TAF3: variants seen among roughly 807,000 people sequenced by gnomAD.
The protein encoded by TAF3 is transcription initiation factor TFIID subunit 3.
In TAF3, 7 loss-of-function variants were observed where a neutral mutation model predicts 80.6. The observed-to-expected ratio is 0.09, with a 90% CI of 0.05 to 0.16. TAF3 has a LOEUF of 0.16. Among genes scored for constraint, TAF3 ranks in the 10% least tolerant of loss-of-function variants. The pLI is 1.00. For synonymous variants in TAF3, 444 were observed against 446.1 expected (o/e 1.00, Z 0.06); for missense variants, 921 against 1,140.2 (o/e 0.81, Z 2.77).
rs577673442 is a variant in TAF3, at chr10:7,937,738, T to C, written c.410-26182T>C. On this transcript the variant is annotated intron_variant, in intron 2 of 6. Transcript: ENST00000344293. ...AGGGAATAGTAATAGTCACAGCACC[T>C]AACATTTCAAGAGCACTTACTATGA... is the stretch of plus-strand genomic sequence containing the variant. Among the ~76,000 whole-genome samples the C allele has an allele frequency of 5.9e-5, 9 of 152,334 alleles. No homozygotes were observed. The South Asian group carries it at 1.9e-3, about 32-fold the overall frequency.
At chr10:7,974,020 C>T (rs983402376) in intron 3 of TAF3, among the ~76,000 whole-genome samples, 3 of 151,784 alleles carry the variant, frequency 2.0e-5, no homozygotes, top group East Asian at 1.9e-4. Context: ...CCCAGCTACT[C>T]GGGAGGCTGA....
intron 2 of TAF3, among the ~76,000 whole-genome samples, chr10:7,921,809 G>A (rs989910830): frequency 6.6e-5 from 10 of 151,986 alleles, no homozygotes; most frequent in Non-Finnish European, 1.3e-4. Context: ...TTGGAAGACT[G>A]AATTTTTAAG....
chr10:7,969,946 A>T (rs1033020975), intron 3 of TAF3, among the ~76,000 whole-genome samples: 1 of 152,230 alleles, frequency 6.6e-6, no homozygotes, highest in East Asian at 1.9e-4. Flanking sequence ...AGACAGCAGC[A>T]TTCTAAAGTT....
intron 2 of TAF3, among the ~76,000 whole-genome samples, chr10:7,887,245 A>AAG (rs1282167846): frequency 2.7e-5 from 4 of 150,552 alleles, no homozygotes; most frequent in South Asian, 2.1e-4. Flanking sequence ...AAAAAAAAAA[A>AAG]AAAGAAAGAA....
chr10:7,972,282 A>G (rs1385741871), intron 3 of TAF3, among the ~76,000 whole-genome samples: 1 of 152,232 alleles, frequency 6.6e-6, no homozygotes, highest in African/African-American at 2.4e-5. Flanking sequence ...GGAAACAAAA[A>G]TCCGGGAAGA....
intron 2 of TAF3, among the ~76,000 whole-genome samples, chr10:7,929,246 TA>T (rs1450257969): frequency 2.7e-4 from 34 of 127,452 alleles, no homozygotes; most frequent in African/African-American, 4.7e-4. Context: ...AGAAGTAGTT[TA>T]TTTTTTTTGT....
rs1399708817 is a variant in TAF3, at chr10:7,944,135, GT to G, written c.410-19783del. Among the ~76,000 whole-genome samples, 17 of 143,304 alleles carry G rather than the reference GT, an allele frequency of 1.2e-4. 1 individual carries two copies. Among genetic ancestry groups the G allele is most frequent in the Admixed American group, 1.0e-3 (15 of 14,294 alleles). The allele number at this position is 143,304 out of a possible 152,430, so 94.0% of individuals were successfully genotyped here. On this transcript the variant is annotated intron_variant, in intron 2 of 6. Transcript: ENST00000344293. ...TGTGTGTGTGTGTGTGTGTGTGTGT[GT>G]TGTGGGGGGGAGGGAAAAGGTAGAT...
Position 8,014,679 on chromosome 10 carries a change from G to A in TAF3, c.2718G>A (p.Gln906=), listed in dbSNP as rs781606265. The A allele has an allele frequency of 2.5e-6, 4 of 1,613,150 alleles. No homozygotes were observed. The Admixed American group carries it at 6.7e-5, about 27-fold the overall frequency. ...GIMTAPPEEM[Q]WFCPKCANKK... is the part of the protein sequence containing the mutation. ...TGACTGCACCCCCAGAAGAGATGCA[G>A]TGGTTCTGCCCCAAGTGTGCGAACA... The change falls in exon 7 of 7, where the codon CAG becomes CAA. Residue 906 remains glutamine (Q), a synonymous_variant. Transcript: ENST00000344293.
chr10:7,871,325 C>G (rs1209968197), intron 2 of TAF3, among the ~76,000 whole-genome samples: 4 of 151,338 alleles, frequency 2.6e-5, no homozygotes, highest in Non-Finnish European at 2.9e-5. Context: ...TTCCTAAAAC[C>G]AGATATTCTT....
intron 4 of TAF3, among the ~76,000 whole-genome samples, chr10:7,985,197 G>A (rs1057133713): frequency 2.0e-5 from 3 of 152,110 alleles, no homozygotes; most frequent in Non-Finnish European, 4.4e-5. Flanking sequence ...GAACTGCCTC[G>A]CCATGTTACC....
chr10:7,921,867 C>G (rs1258533729), intron 2 of TAF3, among the ~76,000 whole-genome samples: 1 of 152,008 alleles, frequency 6.6e-6, no homozygotes, highest in Admixed American at 6.6e-5. Flanking sequence ...CTGACATTGT[C>G]ATATGATCAA....
At chr10:7,928,351 CG>C (rs1235151484) in intron 2 of TAF3, among the ~76,000 whole-genome samples, 4 of 152,082 alleles carry the variant, frequency 2.6e-5, no homozygotes, top group African/African-American at 9.7e-5. Flanking sequence ...TACACTATAG[CG>C]GAATTACCTT....
intron 2 of TAF3, among the ~76,000 whole-genome samples, chr10:7,909,495 A>T (rs931044381): frequency 6.6e-6 from 1 of 152,236 alleles, no homozygotes; most frequent in Non-Finnish European, 1.5e-5. Flanking sequence ...AACTAGTGTC[A>T]TTGGATAAAG....
chr10:8,009,616 C>CT lies in TAF3; in HGVS notation c.2568+295dup, dbSNP rs1252235417. Among the ~76,000 whole-genome samples the CT allele has an allele frequency of 3.0e-4, 45 of 149,108 alleles. No individual in the cohort carries two copies. The highest frequency in any genetic ancestry group is 3.4e-3 in the Middle Eastern group (1 of 290). ...CCACTGCCCCTGGCCAGACACGTTT[C>CT]TTTTTTTTTCTTTTTTTTTTTTGAG... is the stretch of plus-strand genomic sequence containing the variant. On this transcript the variant is annotated intron_variant, in intron 5 of 6. Transcript: ENST00000344293. This position sits in a 1 kb window ranked among gnomAD's most constrained non-coding sequence, Gnocchi z 4.1.
chr10:7,823,794 C>A (rs1371142173), intron 1 of TAF3, among the ~76,000 whole-genome samples: 1 of 152,064 alleles, frequency 6.6e-6, no homozygotes, highest in Non-Finnish European at 1.5e-5. Flanking sequence ...GCCACCACGC[C>A]CGGCTAATTT....
chr10:7,868,756 A>AGTAGGC (rs1837238698), intron 2 of TAF3, among the ~76,000 whole-genome samples: 2 of 152,234 alleles, frequency 1.3e-5, no homozygotes, highest in Non-Finnish European at 1.5e-5. Flanking sequence ...GCACCTAGAA[A>AGTAGGC]GTACCAAGTA....
intron 2 of TAF3, among the ~76,000 whole-genome samples, chr10:7,899,875 A>T (rs1249155389): frequency 6.6e-6 from 1 of 152,190 alleles, no homozygotes; most frequent in Non-Finnish European, 1.5e-5. Flanking sequence ...TACTAAGAAA[A>T]TGTAAACTGC....
intron 4 of TAF3, among the ~76,000 whole-genome samples, chr10:7,994,682 T>C (rs1317036548): frequency 1.3e-5 from 2 of 151,698 alleles, no homozygotes; most frequent in African/African-American, 4.8e-5. Context: ...TCCTGAGTCT[T>C]GGCCAGGCAC....
chr10:8,007,113 T>C (rs1832001646), intron 4 of TAF3, among the ~76,000 whole-genome samples: 1 of 152,158 alleles, frequency 6.6e-6, no homozygotes, highest in Non-Finnish European at 1.5e-5. Flanking sequence ...TATGAGTCAG[T>C]GTGTAAGTTT....
Sources: gnomAD v4.1 joint callset for allele counts (sites outside exome capture counted in the v4.1 genomes callset) on GRCh38, gnomAD v4.1.1 for gene constraint, Gnocchi (gnomAD v3.1) non-coding constraint, MANE v1.5 for transcripts, NCBI Gene and HGNC (gene_info 2026-07-23, HGNC 2026-07-21) for gene names.